The following RASEF variants were observed in gnomAD, a reference collection of about 807,000 sequenced individuals.
RASEF encodes the protein RAS and EF-hand domain containing.
Under a neutral mutation model 90.1 loss-of-function variants are expected in RASEF, and 68 were observed. The observed-to-expected ratio is 0.75, with a 90% CI of 0.62 to 0.92. The LOEUF is 0.92. Among genes scored for constraint, RASEF ranks in the 40% least tolerant of loss-of-function variants. The probability of loss-of-function intolerance (pLI) is 0.00; values close to 1 mark genes in which losing one functional copy is unlikely to be tolerated. For synonymous variants in RASEF, 331 were observed against 345.2 expected (o/e 0.96, Z 0.46); for missense variants, 949 against 937.2 (o/e 1.01, Z -0.16).
Position 82,993,093 on chromosome 9 carries a change from AC to A in RASEF, c.1921-69del. The A allele has an allele frequency of 4.6e-6, 7 of 1,513,640 alleles. No homozygotes were observed. In the South Asian group the frequency reaches 8.7e-5, roughly 19 times the overall value. 93.8% of individuals were successfully genotyped at this position (1,513,640 alleles called of 1,614,324 possible). The stretch of plus-strand genomic sequence containing the variant: ...GACACATTACGATGACCACAGAACA[AC>A]AGCAACAGCAATTACCATTTTCCCT... On this transcript the variant is annotated intron_variant, in intron 14 of 16. Transcript: ENST00000376447.
the RASEF span, among the ~76,000 whole-genome samples, chr9:83,210,611 C>A: frequency 6.6e-6 from 1 of 152,196 alleles, no homozygotes; most frequent in African/African-American, 2.4e-5. Context: ...ACAAACGATA[C>A]CACTTAGTGT....
At chr9:83,020,197 G>C (rs1781577222) in intron 3 of RASEF, among the ~76,000 whole-genome samples, 1 of 152,210 alleles carries the variant, frequency 6.6e-6, no homozygotes, top group African/African-American at 2.4e-5. Flanking sequence ...GTGGCTACAG[G>C]AGCAGGGCAG....
the RASEF span, among the ~76,000 whole-genome samples, chr9:83,154,834 C>G: frequency 6.6e-6 from 1 of 152,160 alleles, no homozygotes; most frequent in Non-Finnish European, 1.5e-5. Context: ...AAATAACTAA[C>G]ACTTTACTGT....
the RASEF span, among the ~76,000 whole-genome samples, chr9:83,121,431 C>T: frequency 6.6e-6 from 1 of 152,132 alleles, no homozygotes; most frequent in African/African-American, 2.4e-5. Flanking sequence ...AAAAACATTG[C>T]TGCTCATTAC....
At chr9:83,136,286 T>G in the RASEF span, among the ~76,000 whole-genome samples, 1 of 152,104 alleles carries the variant, frequency 6.6e-6, no homozygotes, top group African/African-American at 2.4e-5. Flanking sequence ...TTTATTTTAT[T>G]TGCATGGTTT....
chr9:83,009,213 G>A (rs1468108459), intron 6 of RASEF, among the ~76,000 whole-genome samples: 4 of 151,474 alleles, frequency 2.6e-5, no homozygotes, highest in South Asian at 2.1e-4. Flanking sequence ...ATATAAATAC[G>A]TGTCTGTGAA....
chr9:83,156,350 G>A, the RASEF span, among the ~76,000 whole-genome samples: 1 of 152,162 alleles, frequency 6.6e-6, no homozygotes, highest in Non-Finnish European at 1.5e-5. Flanking sequence ...TGAAGTATGA[G>A]CACTGTTTGC....
At chr9:83,176,406 C>T in the RASEF span, among the ~76,000 whole-genome samples, 1 of 152,062 alleles carries the variant, frequency 6.6e-6, no homozygotes. Context: ...CTATAGATAG[C>T]ATATAGTTGA....
the RASEF span, among the ~76,000 whole-genome samples, chr9:83,106,097 T>G: frequency 6.6e-6 from 1 of 152,182 alleles, no homozygotes; most frequent in Non-Finnish European, 1.5e-5. Flanking sequence ...CTGGTACTTT[T>G]GGGCCCTAGA....
At chr9:83,186,060 A>G in the RASEF span, among the ~76,000 whole-genome samples, 30 of 152,316 alleles carry the variant, frequency 2.0e-4, no homozygotes, top group African/African-American at 7.2e-4. Flanking sequence ...AGTGATAAGT[A>G]TAGGGGCTGC....
chr9:83,032,451 C>T (rs1353419500), intron 1 of RASEF, among the ~76,000 whole-genome samples: 1 of 152,206 alleles, frequency 6.6e-6, no homozygotes, highest in Non-Finnish European at 1.5e-5. Context: ...GATTAAGGAT[C>T]AAGTCATAAG....
intron 1 of RASEF, among the ~76,000 whole-genome samples, chr9:83,057,710 C>T (rs936100156): frequency 4.6e-5 from 7 of 152,000 alleles, no homozygotes; most frequent in African/African-American, 1.4e-4. Flanking sequence ...GGGTGTAGCC[C>T]ACCACCATGT....
At position 83,000,236 on chromosome 9, in the gene RASEF, C is replaced by A; in HGVS notation, c.1656G>T (p.Val552=). 2 of 1,614,054 alleles carry A rather than the reference C, an allele frequency of 1.2e-6. No homozygotes were observed. Among genetic ancestry groups the A allele is most frequent in the African/African-American group, 1.3e-5 (1 of 75,022 alleles). ...YKIVLAGDAA[V]GKSSFLMRLC... is the part of the protein sequence containing the mutation. ...GTCTCATGAGGAAACTAGACTTCCC[C>A]ACTGCAGCGTCCCCAGCAAGTACAA... Residue 552 remains valine (V), a synonymous_variant, in exon 12 of 17, where the codon GTG becomes GTT. Transcript: ENST00000376447.
At chr9:83,137,296 G>A in the RASEF span, among the ~76,000 whole-genome samples, 2 of 152,010 alleles carry the variant, frequency 1.3e-5, no homozygotes, top group South Asian at 4.1e-4. Context: ...GTTGGTTTAT[G>A]GACTGAACCT....
chr9:83,187,135 C>T, the RASEF span, among the ~76,000 whole-genome samples: 1 of 152,176 alleles, frequency 6.6e-6, no homozygotes, highest in Admixed American at 6.5e-5. Context: ...TTTTGCCTTG[C>T]TCTTCCTATG....
At chr9:83,176,417 G>A in the RASEF span, among the ~76,000 whole-genome samples, 2 of 151,920 alleles carry the variant, frequency 1.3e-5, no homozygotes, top group African/African-American at 4.8e-5. Context: ...ATATAGTTGA[G>A]TCTCTTTTTC....
chr9:83,090,370 T>A, the RASEF span, among the ~76,000 whole-genome samples: 1 of 152,126 alleles, frequency 6.6e-6, no homozygotes, highest in Non-Finnish European at 1.5e-5. Context: ...TATTGTTTTA[T>A]TGACTGCTTT....
the RASEF span, among the ~76,000 whole-genome samples, chr9:83,186,696 T>A: frequency 6.6e-6 from 1 of 152,094 alleles, no homozygotes; most frequent in African/African-American, 2.4e-5. Context: ...GCCTACCTTG[T>A]AAATAGTGGT....
chr9:83,041,979 T>G (rs1564086471), intron 1 of RASEF, among the ~76,000 whole-genome samples: 1 of 152,178 alleles, frequency 6.6e-6, no homozygotes, highest in East Asian at 1.9e-4. Flanking sequence ...AGTCTTCCCT[T>G]AATTGAGTCA....
Sources: allele counts gnomAD v4.1 joint callset (sites outside exome capture counted in the v4.1 genomes callset), GRCh38; gene constraint gnomAD v4.1.1; transcripts MANE v1.5; gene names NCBI Gene and HGNC (gene_info 2026-07-23, HGNC 2026-07-21).